The following ARHGEF10 variants were observed in gnomAD, a reference collection of about 807,000 sequenced individuals.
ARHGEF10 encodes Rho guanine nucleotide exchange factor (GEF) 10.
A neutral mutation model predicts 147.4 loss-of-function variants in ARHGEF10; 140 were observed. That is an observed-to-expected ratio of 0.95 (90% CI 0.83 to 1.09). The LOEUF is 1.09. ARHGEF10 is among the 50% of genes least tolerant of loss of function. ARHGEF10 has a pLI of 0.00. For synonymous variants in ARHGEF10, 902 were observed against 695.8 expected (o/e 1.30, Z -4.67); for missense variants, 2,222 against 1,752.7 (o/e 1.27, Z -4.78).
intron 1 of ARHGEF10, among the ~76,000 whole-genome samples, chr8:1,836,519 T>C (rs1320073737): frequency 1.3e-5 from 2 of 152,044 alleles, no homozygotes; most frequent in African/African-American, 4.8e-5. Flanking sequence ...GAAGACAGGC[T>C]CTAGACCCCC....
At chr8:1,894,618 C>G (rs771887993) in intron 13 of ARHGEF10, 46 bp downstream of exon 13, 1 of 1,595,800 alleles carries the variant, frequency 6.3e-7, no homozygotes, top group Non-Finnish European at 8.6e-7. Context: ...TCTCCATGCA[C>G]CTGTCCTCTC....
rs1405681065 is a variant in ARHGEF10, at chr8:1,867,427, C to G, written c.622+825C>G. On this transcript the variant is annotated intron_variant, in intron 6 of 28. Transcript: ENST00000349830. ...CATCATTTTATTTATAATCTCACTC[C>G]TTGAAATGAGAGCAGTCTGCAACGT... Among the ~76,000 whole-genome samples the G allele has an allele frequency of 2.0e-5, 3 of 152,302 alleles. No individual in the cohort carries two copies. In the East Asian group the frequency reaches 5.8e-4, roughly 29 times the overall value.
chr8:1,928,865 GTGGTATTTCTTTAAAGGGGACAGTT>G (rs1232279134), intron 24 of ARHGEF10, among the ~76,000 whole-genome samples: 1 of 152,218 alleles, frequency 6.6e-6, no homozygotes, highest in East Asian at 1.9e-4. Context: ...TTAAAGAGAA[GTGGTATTTCTTTAAAGGGGACAGTT>G]TGGCTGTTTG....
At chr8:1,827,682 A>T (rs1278875034) in intron 1 of ARHGEF10, among the ~76,000 whole-genome samples, 1 of 152,174 alleles carries the variant, frequency 6.6e-6, no homozygotes, top group Non-Finnish European at 1.5e-5. Flanking sequence ...TTGTATCATT[A>T]GAGTAAAGCA....
chr8:1,931,172 G>A (rs954509184), intron 25 of ARHGEF10, among the ~76,000 whole-genome samples: 2 of 152,214 alleles, frequency 1.3e-5, no homozygotes, highest in African/African-American at 4.8e-5. Flanking sequence ...CATGTGCGCC[G>A]AGAGCCGCCT....
chr8:1,945,466 C>T lies in ARHGEF10; in HGVS notation c.3223-15C>T. On this transcript the variant is annotated splice_polypyrimidine_tract_variant and intron_variant, in intron 26 of 28. Coordinates refer to ENST00000349830, the MANE Select transcript of ARHGEF10 (RefSeq NM_014629.4). Reference sequence around the variant, plus strand: ...ACTCCACGGGGCTAGCAGACTTGACCTCTCGATTTCACAGGGTCAGCTGGA... The same window carrying T: ...ACTCCACGGGGCTAGCAGACTTGACTTCTCGATTTCACAGGGTCAGCTGGA... 1.3e-6 allele frequency: 2 copies of T among 1,576,786 alleles called. No homozygotes were observed. Among genetic ancestry groups the T allele is most frequent in the African/African-American group, 1.4e-5 (1 of 73,940 alleles).
At chr8:1,872,972 T>TG (rs57372283) in intron 7 of ARHGEF10, among the ~76,000 whole-genome samples, 9,945 of 152,222 alleles carry the variant, frequency 0.065, 1,042 homozygotes, top group African/African-American at 0.22. Context: ...AAATGCATTT[T>TG]GGGGTAATTT....
chr8:1,842,430 C>CG (rs1804165509), intron 1 of ARHGEF10, among the ~76,000 whole-genome samples: 1 of 151,500 alleles, frequency 6.6e-6, no homozygotes, highest in Non-Finnish European at 1.5e-5. Flanking sequence ...GCCATCCCCT[C>CG]GCGTTCCCCT....
intron 10 of ARHGEF10, among the ~76,000 whole-genome samples, chr8:1,885,095 A>G (rs1249126989): frequency 1.3e-5 from 2 of 152,040 alleles, no homozygotes; most frequent in African/African-American, 4.8e-5. Flanking sequence ...AACTGTTTTG[A>G]GTTTTGGAAA....
intron 1 of ARHGEF10, among the ~76,000 whole-genome samples, chr8:1,835,918 ACACCTGTAATCCCGG>A (rs1803551291): frequency 6.6e-6 from 1 of 152,200 alleles, no homozygotes; most frequent in Non-Finnish European, 1.5e-5. Flanking sequence ...GCCGTGGCTC[ACACCTGTAATCCCGG>A]CACTTTGGGA....
intron 7 of ARHGEF10, among the ~76,000 whole-genome samples, chr8:1,875,261 G>A (rs961237857): frequency 1.7e-4 from 26 of 151,102 alleles, no homozygotes; most frequent in African/African-American, 6.3e-4. Context: ...GGCGTGTAGG[G>A]GGTGGAGGTT....
chr8:1,867,672 G>T (rs995000087), intron 6 of ARHGEF10, among the ~76,000 whole-genome samples: 23 of 152,142 alleles, frequency 1.5e-4, no homozygotes, highest in African/African-American at 5.3e-4. Context: ...GGCTTCAAAG[G>T]CTGAAAGATT....
chr8:1,870,488 A>G (rs1044611415), intron 7 of ARHGEF10: 31 of 152,324 alleles, frequency 2.0e-4, no homozygotes, highest in African/African-American at 6.7e-4. Flanking sequence ...CTCAGATTGG[A>G]TAAAATAGCA....
At chr8:1,934,110 G>A (rs1813375513) in intron 26 of ARHGEF10, among the ~76,000 whole-genome samples, 168 bp downstream of exon 26, 1 of 152,204 alleles carries the variant, frequency 6.6e-6, no homozygotes, top group African/African-American at 2.4e-5. Flanking sequence ...CAAGGTTGGA[G>A]GACTGTTTGA....
intron 9 of ARHGEF10, among the ~76,000 whole-genome samples, chr8:1,882,281 C>A (rs898350104): frequency 6.6e-6 from 1 of 152,156 alleles, no homozygotes; most frequent in Non-Finnish European, 1.5e-5. Context: ...GAGCTGTGAG[C>A]GTCTGCAGTT....
In ARHGEF10 at chr8:1,926,450, A is replaced by G. The variant is rs777004497; in HGVS notation, c.2684A>G (p.His895Arg). The G allele has an allele frequency of 3.5e-5, 57 of 1,613,968 alleles. No homozygotes were observed. Among genetic ancestry groups the G allele is most frequent in the Non-Finnish European group, 4.4e-5 (52 of 1,179,942 alleles). The stretch of plus-strand genomic sequence containing the variant: ...CAGCCAGATTCATTTTCCACGGCAC[A>G]TGGTTTCCTGTGGGTAAGATGTGTT... ...ESQPDSFSTAHGFLWIGSCTH... is the reference protein window; with the variant it reads ...ESQPDSFSTARGFLWIGSCTH... Residue 895 changes from histidine (H) to arginine (R), a missense_variant, in exon 23 of 29, where the codon CAT (histidine) becomes CGT (arginine). Coordinates refer to ENST00000349830, the MANE Select transcript of ARHGEF10 (RefSeq NM_014629.4).
intron 5 of ARHGEF10, among the ~76,000 whole-genome samples, chr8:1,866,187 G>C (rs915901175): frequency 6.6e-6 from 1 of 152,190 alleles, no homozygotes; most frequent in South Asian, 2.1e-4. Context: ...TGTGAGCAGG[G>C]CCTAAGAGGT....
At chr8:1,888,865 G>GAGTGGGGTGAGGGTTGTGAGGAGAC (rs1809080407) in intron 11 of ARHGEF10, among the ~76,000 whole-genome samples, 3 of 44,012 alleles carry the variant, frequency 6.8e-5, no homozygotes, top group South Asian at 1.2e-3. Flanking sequence ...AGGAGACACT[G>GAGTGGGGTGAGGGTTGTGAGGAGAC]AGTGGGGTGA....
In ARHGEF10 at chr8:1,836,370, C is replaced by T. The variant is rs537675123; in HGVS notation, c.-47-6983C>T. On this transcript the variant is annotated intron_variant, in intron 1 of 28. Transcript: ENST00000349830. ...GAGTCTTCTGCTCTGCCCCCAGGGT[C>T]CATCTCACCTGCACCAGGGCAGGGA... Among the ~76,000 whole-genome samples the T allele has an allele frequency of 3.3e-5, 5 of 152,240 alleles. No homozygotes were observed. The South Asian group carries it at 1.0e-3, about 32-fold the overall frequency.
Sources: allele counts gnomAD v4.1 joint callset (sites outside exome capture counted in the v4.1 genomes callset), GRCh38; gene constraint gnomAD v4.1.1; transcripts MANE v1.5; gene names NCBI Gene and HGNC (gene_info 2026-07-23, HGNC 2026-07-21).